Variants in ITGA4 observed in about 807,000 individuals in gnomAD.
ITGA4 encodes integrin subunit alpha 4.
Under a neutral mutation model 133.6 loss-of-function variants are expected in ITGA4, and 63 were observed. The ratio of observed to expected loss-of-function variants is 0.47; its 90% confidence interval spans 0.38 to 0.58. The LOEUF (loss-of-function observed/expected upper bound fraction) is 0.58, where lower values mean the gene tolerates loss of function less well. ITGA4 is among the 20% of genes least tolerant of loss of function. ITGA4 has a pLI of 0.00. For synonymous variants in ITGA4, 483 were observed against 438.0 expected (o/e 1.10, Z -1.28); for missense variants, 1,076 against 1,252.7 (o/e 0.86, Z 2.13).
chr2:181,467,253 A>G (rs116551300), intron 2 of ITGA4, among the ~76,000 whole-genome samples: 2,894 of 152,106 alleles, frequency 0.019, 45 homozygotes, highest in Non-Finnish European at 0.031. Context: ...GGTGGAAGGT[A>G]AGGGCTTTTA....
intron 15 of ITGA4, among the ~76,000 whole-genome samples, chr2:181,500,476 A>G (rs1242208982): frequency 2.0e-5 from 3 of 152,164 alleles, no homozygotes; most frequent in Non-Finnish European, 2.9e-5. Flanking sequence ...TAAGACAGCA[A>G]CCTGAATTCT....
intron 6 of ITGA4, among the ~76,000 whole-genome samples, chr2:181,481,003 C>T (rs1685789106): frequency 6.6e-6 from 1 of 152,208 alleles, no homozygotes. Flanking sequence ...ATGTGAGCAT[C>T]TTACACTCAG....
intron 4 of ITGA4, chr2:181,476,218 G>C (rs988025101): frequency 1.2e-5 from 2 of 161,034 alleles, no homozygotes; most frequent in African/African-American, 4.8e-5. Flanking sequence ...CTTGATTTCT[G>C]TATGTTTGCT....
At chr2:181,520,416 G>A (rs1686693107) in intron 17 of ITGA4, among the ~76,000 whole-genome samples, 1 of 151,984 alleles carries the variant, frequency 6.6e-6, no homozygotes, top group African/African-American at 2.4e-5. Context: ...TCTGTGTCAT[G>A]CTAAGGAGTT....
intron 24 of ITGA4, 107 bp downstream of exon 24, chr2:181,530,756 G>A (rs776292222): frequency 7.7e-5 from 78 of 1,016,774 alleles, no homozygotes; most frequent in Non-Finnish European, 1.1e-4. Context: ...TAAGAGAGAA[G>A]ACAAGTTTAG....
In ITGA4 at chr2:181,536,709, T is replaced by C. The variant is rs1687119904; in HGVS notation, c.*1182T>C. 1 of 200,628 alleles carries C rather than the reference T, an allele frequency of 5.0e-6. No individual in the cohort carries two copies. The highest frequency in any genetic ancestry group is 2.4e-5 in the African/African-American group (1 of 42,234). The allele number at this position is 200,628 out of a possible 1,614,324, so 12.4% of individuals were successfully genotyped here. A position where few individuals can be genotyped will look rare whatever the true frequency, so the allele number is the denominator to read the frequency against. ...GTAAAATATTTTTATAGTTTGTTCA[T>C]ACTATATGAGGTTCTATTTTAAATG... is the stretch of plus-strand genomic sequence containing the variant. On this transcript the variant is annotated 3_prime_UTR_variant, in exon 28 of 28. Coordinates refer to ENST00000397033, the MANE Select transcript of ITGA4 (RefSeq NM_000885.6).
intron 16 of ITGA4, among the ~76,000 whole-genome samples, chr2:181,510,333 A>C (rs973172415): frequency 2.6e-5 from 4 of 152,236 alleles, no homozygotes; most frequent in Non-Finnish European, 4.4e-5. Flanking sequence ...TCCCAGGATC[A>C]ATTGCATTTG....
In ITGA4 at chr2:181,461,463, A is replaced by T. The variant is rs939895748; in HGVS notation, c.319+3146A>T. 5.9e-5 allele frequency among the ~76,000 whole-genome samples: 9 copies of T among 151,768 alleles called. No homozygotes were observed. The East Asian group carries it at 1.7e-3, about 29-fold the overall frequency. On this transcript the variant is annotated intron_variant, in intron 2 of 27. Coordinates refer to ENST00000397033, the MANE Select transcript of ITGA4 (RefSeq NM_000885.6). Reference sequence around the variant, plus strand: ...TTGCTCGTGAAGACTATATCTGAGGAGACCCAGGTGATTTCTACATGTCCA... The same window carrying T: ...TTGCTCGTGAAGACTATATCTGAGGTGACCCAGGTGATTTCTACATGTCCA...
At chr2:181,488,495 C>T (rs1391549289) in intron 10 of ITGA4, among the ~76,000 whole-genome samples, 1 of 152,122 alleles carries the variant, frequency 6.6e-6, no homozygotes, top group Non-Finnish European at 1.5e-5. Context: ...TTAGTGGCTA[C>T]ATTAACACTT....
chr2:181,475,982 C>T (rs913197094), intron 4 of ITGA4: 2 of 1,258,560 alleles, frequency 1.6e-6, no homozygotes, highest in Non-Finnish European at 2.1e-6. Flanking sequence ...TTTCTAACCA[C>T]CCTCACTCAA....
intron 2 of ITGA4, among the ~76,000 whole-genome samples, chr2:181,470,023 C>A (rs1685509946): frequency 6.6e-6 from 1 of 151,592 alleles, no homozygotes; most frequent in African/African-American, 2.4e-5. Flanking sequence ...ATGTAACAAA[C>A]CTGCATGTTG....
At chr2:181,468,468 A>G (rs1685475130) in intron 2 of ITGA4, among the ~76,000 whole-genome samples, 1 of 152,128 alleles carries the variant, frequency 6.6e-6, no homozygotes, top group Non-Finnish European at 1.5e-5. Flanking sequence ...ACTGCATGTA[A>G]GGCACTATCT....
chr2:181,537,597 CAG>C lies in ITGA4; in HGVS notation c.*2072_*2073del, dbSNP rs1559064147. 4.7e-6 allele frequency: 2 copies of C among 428,278 alleles called. No individual in the cohort carries two copies. Among genetic ancestry groups the C allele is most frequent in the South Asian group, 3.4e-5 (2 of 59,072 alleles). The allele number at this position is 428,278 out of a possible 1,614,324, so 26.5% of individuals were successfully genotyped here. On this transcript the variant is annotated 3_prime_UTR_variant, in exon 28 of 28. Transcript: ENST00000397033. Reference sequence around the variant, plus strand: ...TATGAAATCTGTATTATATTTGTAACAGAATATAGGAAATTTAACATAATTGA... The same window carrying C: ...TATGAAATCTGTATTATATTTGTAACAATATAGGAAATTTAACATAATTGA...
At chr2:181,481,167 A>C (rs1336536232) in intron 6 of ITGA4, among the ~76,000 whole-genome samples, 1 of 152,178 alleles carries the variant, frequency 6.6e-6, no homozygotes, top group Non-Finnish European at 1.5e-5. Flanking sequence ...TTATCACATA[A>C]AATACGAACA....
At chr2:181,505,792 A>G (rs1001920278) in intron 15 of ITGA4, among the ~76,000 whole-genome samples, 1 of 152,168 alleles carries the variant, frequency 6.6e-6, no homozygotes, top group African/African-American at 2.4e-5. Flanking sequence ...GAAAATTAGT[A>G]TGAATTAGAT....
intron 4 of ITGA4, chr2:181,475,876 A>G (rs1298358642): frequency 6.3e-7 from 1 of 1,595,710 alleles, no homozygotes; most frequent in Non-Finnish European, 8.5e-7. Flanking sequence ...ATTGGGGTGA[A>G]TGTCAACAGA....
rs187927361 is a variant in ITGA4 at position 181,473,191 on chromosome 2, C to T, written c.320-1769C>T. The stretch of plus-strand genomic sequence containing the variant: ...GTACTGGCCCGTGGCCTGGTAGGAA[C>T]TGGGCTGCACAGCAGGAGGTGAGCA... On this transcript the variant is annotated intron_variant, in intron 2 of 27. Coordinates refer to ENST00000397033, the MANE Select transcript of ITGA4 (RefSeq NM_000885.6). Among the ~76,000 whole-genome samples, 14 of 152,352 alleles carry T rather than the reference C, an allele frequency of 9.2e-5. No homozygotes were observed. The East Asian group carries it at 2.3e-3, about 25-fold the overall frequency.
rs191680775 is a variant in ITGA4, at chr2:181,537,479, A to G, written c.*1952A>G. The G allele has an allele frequency of 4.4e-6, 2 of 452,746 alleles. No homozygotes were observed. The highest frequency in any genetic ancestry group is 4.0e-5 in the African/African-American group (2 of 49,630). 28.0% of individuals were successfully genotyped at this position (452,746 alleles called of 1,614,324 possible). ...ACCCTACCACTTTAAGAAGACAGGG[A>G]TGGGTTATTCTTTTTTGGCAGGTAG... On this transcript the variant is annotated 3_prime_UTR_variant, in exon 28 of 28. Transcript: ENST00000397033.
chr2:181,509,714 T>A lies in ITGA4; in HGVS notation c.1752T>A (p.Gly584=), dbSNP rs201546110. The part of the protein sequence containing the change: ...PIQIEAAYHL[G]PHVISKRSTE... ...AGATTGAAGCTGCTTACCACCTTGG[T>A]CCTCATGTCATCAGTAAACGAAGTA... The change falls in exon 16 of 28, where the codon GGT becomes GGA. Residue 584 remains glycine, a synonymous_variant. Transcript: ENST00000397033. 6 of 1,611,756 alleles carry A rather than the reference T, an allele frequency of 3.7e-6. No individual in the cohort carries two copies. The highest frequency in any genetic ancestry group is 1.7e-5 in the Admixed American group (1 of 59,832).
Sources: gnomAD v4.1 joint callset for allele counts (sites outside exome capture counted in the v4.1 genomes callset) on GRCh38, gnomAD v4.1.1 for gene constraint, MANE v1.5 for transcripts, NCBI Gene and HGNC (gene_info 2026-07-23, HGNC 2026-07-21) for gene names.